The following LRP1B variants were observed in gnomAD, a reference collection of about 807,000 sequenced individuals.
LRP1B encodes LDL receptor related protein 1B.
A neutral mutation model predicts 556.6 loss-of-function variants in LRP1B; 217 were observed. That is an observed-to-expected ratio of 0.39 (90% confidence interval 0.35 to 0.44). LRP1B has a LOEUF of 0.44. Ranked by LOEUF, LRP1B falls within the 20% of genes least tolerant of loss-of-function variation. The pLI, the probability that LRP1B is intolerant of heterozygous loss-of-function variation, is 1.00. For missense variants in LRP1B, 5,053 were observed against 5,620.8 expected (o/e 0.90, Z 3.23); for synonymous variants, 2,047 against 1,865.8 (o/e 1.10, Z -2.50).
chr2:141,451,022 A>T (rs1314910750), intron 3 of LRP1B, among the ~76,000 whole-genome samples: 1 of 152,210 alleles, frequency 6.6e-6, no homozygotes, highest in African/African-American at 2.4e-5. Context: ...GCATTTCTAA[A>T]TTAAAATATC....
intron 1 of LRP1B, among the ~76,000 whole-genome samples, chr2:141,895,965 A>ACTTAAGTATT (rs11281433): frequency 7.9e-5 from 12 of 151,256 alleles, no homozygotes; most frequent in Admixed American, 2.6e-4. Flanking sequence ...TTTAGAAAAT[A>ACTTAAGTATT]TTTAAGTATT....
intron 41 of LRP1B, among the ~76,000 whole-genome samples, chr2:140,686,228 A>G (rs1559054621): frequency 6.6e-6 from 1 of 152,176 alleles, no homozygotes; most frequent in Non-Finnish European, 1.5e-5. Flanking sequence ...TGGACATCAC[A>G]TAAAATCTGG....
intron 2 of LRP1B, among the ~76,000 whole-genome samples, chr2:141,494,975 A>T (rs1295788125): frequency 6.6e-6 from 1 of 151,954 alleles, no homozygotes; most frequent in Non-Finnish European, 1.5e-5. Context: ...AATTCCTTAC[A>T]TTTATGGACA....
At chr2:140,864,165 T>A (rs536882416) in intron 27 of LRP1B, among the ~76,000 whole-genome samples, 7 of 152,024 alleles carry the variant, frequency 4.6e-5, no homozygotes, top group African/African-American at 1.7e-4. Context: ...GCAATGATAA[T>A]CAAGTTAGCT....
intron 7 of LRP1B, among the ~76,000 whole-genome samples, chr2:141,158,933 A>T (rs1199699270): frequency 2.0e-5 from 3 of 152,122 alleles, no homozygotes; most frequent in African/African-American, 2.4e-5. Flanking sequence ...GTTGCTGTTT[A>T]TTTTAAATTA....
chr2:140,678,606 G>A (rs1339168381), intron 41 of LRP1B, among the ~76,000 whole-genome samples: 1 of 152,148 alleles, frequency 6.6e-6, no homozygotes, highest in African/African-American at 2.4e-5. Context: ...TAATTCACTG[G>A]TTTCAGCCTT....
At chr2:141,769,582 A>G (rs1039491985) in intron 2 of LRP1B, among the ~76,000 whole-genome samples, 2 of 152,184 alleles carry the variant, frequency 1.3e-5, no homozygotes, top group African/African-American at 2.4e-5. Flanking sequence ...GGAATACAAC[A>G]ACAGGTGGTT....
At chr2:141,360,900 T>G (rs57863370) in intron 3 of LRP1B, among the ~76,000 whole-genome samples, 1 of 152,172 alleles carries the variant, frequency 6.6e-6, no homozygotes, top group African/African-American at 2.4e-5. Flanking sequence ...ACTTAGCAAA[T>G]GAAGTGATGT....
chr2:141,644,188 C>G (rs973262560), intron 2 of LRP1B, among the ~76,000 whole-genome samples: 1 of 152,076 alleles, frequency 6.6e-6, no homozygotes, highest in African/African-American at 2.4e-5. Flanking sequence ...CCACCCAAAT[C>G]TCATCTTGAA....
chr2:140,734,648 T>C (rs1687885313), intron 35 of LRP1B, among the ~76,000 whole-genome samples: 1 of 152,306 alleles, frequency 6.6e-6, no homozygotes, highest in Non-Finnish European at 1.5e-5. Context: ...CTATGATCTC[T>C]AATTTTAGGG....
rs148935362 is a variant in LRP1B, at chr2:141,185,683, C to CAAAAAAAAAAAAAA, written c.1013+2737_1013+2738insTTTTTTTTTTTTTT. The stretch of plus-strand genomic sequence containing the variant: ...AAACCATGGAGAACTGAAAAACAAA[C>CAAAAAAAAAAAAAA]AAACAAAAAAAAACAAAAAAAAAAA... On this transcript the variant is annotated intron_variant, in intron 7 of 90. Coordinates refer to ENST00000389484, the MANE Select transcript of LRP1B (RefSeq NM_018557.3). Among the ~76,000 whole-genome samples, 152 of 74,098 alleles carry CAAAAAAAAAAAAAA rather than the reference C, an allele frequency of 2.1e-3. 2 individuals are homozygous for CAAAAAAAAAAAAAA. Among genetic ancestry groups the CAAAAAAAAAAAAAA allele is most frequent in the African/African-American group, 6.5e-3 (133 of 20,456 alleles). 48.6% of individuals were successfully genotyped at this position (74,098 alleles called of 152,430 possible). A position where few individuals can be genotyped will look rare whatever the true frequency, so the allele number is the denominator to read the frequency against.
At chr2:141,310,642 G>A (rs1686778735) in intron 3 of LRP1B, among the ~76,000 whole-genome samples, 1 of 151,896 alleles carries the variant, frequency 6.6e-6, no homozygotes, top group Non-Finnish European at 1.5e-5. Context: ...CACATACACG[G>A]ACACACACAA....
At chr2:142,114,739 T>G (rs747511758) in intron 1 of LRP1B, among the ~76,000 whole-genome samples, 1 of 152,076 alleles carries the variant, frequency 6.6e-6, no homozygotes, top group South Asian at 2.1e-4. Context: ...CAATAGATAC[T>G]GAAGCCCGGG....
At chr2:140,396,841 A>C (rs1684278394) in intron 66 of LRP1B, among the ~76,000 whole-genome samples, 1 of 152,160 alleles carries the variant, frequency 6.6e-6, no homozygotes, top group Non-Finnish European at 1.5e-5. Context: ...GTTACGAGTT[A>C]AGTGATTTAG....
intron 1 of LRP1B, among the ~76,000 whole-genome samples, chr2:141,923,420 T>TATATATAAA (rs1236646779): frequency 1.4e-5 from 2 of 138,538 alleles, no homozygotes; most frequent in African/African-American, 2.6e-5. Flanking sequence ...TATATATATA[T>TATATATAAA]ATAGTGACAA....
chr2:142,023,811 C>T (rs898825320), intron 1 of LRP1B, among the ~76,000 whole-genome samples: 2 of 152,064 alleles, frequency 1.3e-5, no homozygotes, highest in African/African-American at 4.8e-5. Context: ...TATGTGTTTG[C>T]CTCCTACTGT....
rs543479216 is a variant in LRP1B, at chr2:140,783,170, C to A, written c.5360-6932G>T. Among the ~76,000 whole-genome samples the A allele has an allele frequency of 3.3e-5, 5 of 151,802 alleles. No homozygotes were observed. The South Asian group carries it at 1.0e-3, about 32-fold the overall frequency. ...TATTACATTTTTTATAATGCTTTAC[C>A]TCTTAAGATGTATCATTAAAACTAA... On this transcript the variant is annotated intron_variant, in intron 32 of 90. Transcript: ENST00000389484.
chr2:141,098,906 C>T (rs1700391189), intron 7 of LRP1B, among the ~76,000 whole-genome samples: 1 of 152,194 alleles, frequency 6.6e-6, no homozygotes, highest in South Asian at 2.1e-4. Context: ...ATCCGCCCGC[C>T]TCAGCCTCTC....
intron 63 of LRP1B, among the ~76,000 whole-genome samples, chr2:140,447,269 A>G (rs1428109316): frequency 1.3e-5 from 2 of 152,146 alleles, no homozygotes; most frequent in African/African-American, 4.8e-5. Flanking sequence ...CAAAAGACTA[A>G]AAATGTAGTG....
Sources: gnomAD v4.1 joint callset for allele counts (sites outside exome capture counted in the v4.1 genomes callset) on GRCh38, gnomAD v4.1.1 for gene constraint, MANE v1.5 for transcripts, NCBI Gene and HGNC (gene_info 2026-07-23, HGNC 2026-07-21) for gene names.